NRG3: variants seen among roughly 807,000 people sequenced by gnomAD.
The protein encoded by NRG3 is neuregulin 3.
A neutral mutation model predicts 66.9 loss-of-function variants in NRG3; 31 were observed. The ratio of observed to expected loss-of-function variants is 0.46; its 90% CI spans 0.35 to 0.63. The LOEUF (loss-of-function observed/expected upper bound fraction) is 0.63. NRG3 is among the 20% of genes least tolerant of loss of function. The probability of loss-of-function intolerance (pLI) is 0.00; values close to 1 mark genes in which losing one functional copy is unlikely to be tolerated. For synonymous variants in NRG3, 393 were observed against 359.4 expected (o/e 1.09, Z -1.06); for missense variants, 910 against 878.9 (o/e 1.04, Z -0.45).
intron 2 of NRG3, among the ~76,000 whole-genome samples, chr10:82,465,687 G>C (rs892523873): frequency 6.6e-6 from 1 of 152,124 alleles, no homozygotes; most frequent in Non-Finnish European, 1.5e-5. Context: ...CTTAGGGGGT[G>C]GGGGGCAGCA....
chr10:82,364,696 G>T (rs540094259), intron 2 of NRG3, among the ~76,000 whole-genome samples: 4 of 152,266 alleles, frequency 2.6e-5, no homozygotes, highest in Admixed American at 1.3e-4. Flanking sequence ...CTGCAAAAAT[G>T]GATTTTCAAA....
chr10:82,664,974 A>G (rs150196566), intron 2 of NRG3, among the ~76,000 whole-genome samples: 2 of 151,694 alleles, frequency 1.3e-5, no homozygotes, highest in East Asian at 3.9e-4. Flanking sequence ...TTTCATCAAT[A>G]CTCTACAGCT....
At chr10:82,651,877 A>C (rs1315279806) in intron 2 of NRG3, among the ~76,000 whole-genome samples, 2 of 152,200 alleles carry the variant, frequency 1.3e-5, no homozygotes, top group Non-Finnish European at 2.9e-5. Flanking sequence ...CCCAGTTGAC[A>C]TTTGGACTGC....
At chr10:82,364,506 T>C (rs2084395103) in intron 2 of NRG3, among the ~76,000 whole-genome samples, 1 of 152,104 alleles carries the variant, frequency 6.6e-6, no homozygotes, top group African/African-American at 2.4e-5. Context: ...TCTAGAAATT[T>C]TAAAAATGTT....
chr10:82,637,876 G>A (rs1474647578), intron 2 of NRG3, among the ~76,000 whole-genome samples: 3 of 151,492 alleles, frequency 2.0e-5, no homozygotes, highest in Admixed American at 6.6e-5. Context: ...ATAGCAATGC[G>A]GTAAAGTTAA....
Position 82,485,889 on chromosome 10 carries a change from G to A in NRG3, c.953+127021G>A, listed in dbSNP as rs180927537. 7.1e-3 allele frequency among the ~76,000 whole-genome samples: 1,074 copies of A among 152,052 alleles called. 4 individuals are homozygous for A. The highest frequency in any genetic ancestry group is 0.014 in the South Asian group (66 of 4,804). On this transcript the variant is annotated intron_variant, in intron 2 of 8. Coordinates refer to ENST00000372141, the MANE Select transcript of NRG3 (RefSeq NM_001010848.4). ...TATGGAGCAGGAGAAAATATTAACT[G>A]CTCTATATCTAATAAGGACTCAATA...
intron 2 of NRG3, among the ~76,000 whole-genome samples, chr10:82,720,554 A>C (rs2057233825): frequency 6.6e-6 from 1 of 151,974 alleles, no homozygotes; most frequent in Non-Finnish European, 1.5e-5. Flanking sequence ...TGTGCCCTAG[A>C]ACACCGAGGT....
intron 3 of NRG3, among the ~76,000 whole-genome samples, chr10:82,814,554 C>G (rs778395944): frequency 1.3e-5 from 2 of 152,132 alleles, no homozygotes; most frequent in Non-Finnish European, 2.9e-5. Context: ...TTAGTATTCT[C>G]TCATCCTCCC....
intron 3 of NRG3, among the ~76,000 whole-genome samples, chr10:82,765,086 G>A (rs1170066334): frequency 1.3e-5 from 2 of 152,062 alleles, no homozygotes; most frequent in Non-Finnish European, 2.9e-5. Flanking sequence ...ATATATTTTG[G>A]AAAGGGTTTG....
chr10:82,300,990 G>A (rs867644335), intron 1 of NRG3, among the ~76,000 whole-genome samples: 18 of 151,458 alleles, frequency 1.2e-4, no homozygotes, highest in Middle Eastern at 3.4e-3. Context: ...AGAAGAAGAA[G>A]AAAAAAAGAA....
intron 2 of NRG3, among the ~76,000 whole-genome samples, chr10:82,542,775 A>G (rs2043628814): frequency 6.6e-6 from 1 of 152,224 alleles, no homozygotes; most frequent in African/African-American, 2.4e-5. Flanking sequence ...AGGAAATACT[A>G]TAATATAATC....
At chr10:82,955,449 G>A (rs959559069) in intron 5 of NRG3, among the ~76,000 whole-genome samples, 2 of 151,886 alleles carry the variant, frequency 1.3e-5, no homozygotes, top group African/African-American at 4.9e-5. Context: ...AATTATTCAA[G>A]TTTTTCTCTT....
intron 2 of NRG3, among the ~76,000 whole-genome samples, chr10:82,599,156 T>A (rs2047463852): frequency 6.6e-6 from 1 of 152,128 alleles, no homozygotes; most frequent in Non-Finnish European, 1.5e-5. Context: ...TTTCTGAGAA[T>A]AATTGAGAAC....
At chr10:81,911,689 T>C (rs1447591426) in intron 1 of NRG3, among the ~76,000 whole-genome samples, 1 of 148,860 alleles carries the variant, frequency 6.7e-6, no homozygotes, top group Non-Finnish European at 1.5e-5. Context: ...GTTATTATTG[T>C]TGAAACCATT....
At chr10:82,905,099 A>AG (rs1309594438) in intron 4 of NRG3, among the ~76,000 whole-genome samples, 2 of 152,202 alleles carry the variant, frequency 1.3e-5, no homozygotes, top group African/African-American at 2.4e-5. Context: ...CATTTTAAAA[A>AG]GGAAGTTTGG....
In NRG3 at chr10:82,678,882, T is replaced by A. The variant is rs143035927; in HGVS notation, c.954-59695T>A. Among the ~76,000 whole-genome samples the A allele has an allele frequency of 3.6e-4, 55 of 152,314 alleles. No homozygotes were observed. In the East Asian group the frequency reaches 0.01, roughly 28 times the overall value. On this transcript the variant is annotated intron_variant, in intron 2 of 8. Coordinates refer to ENST00000372141, the MANE Select transcript of NRG3 (RefSeq NM_001010848.4). ...AACAAATCCTGGGATCATGTCTTCCTTGATATTTCTGAGCACCGTGTATAC... is the reference window on the plus strand; with the variant it reads ...AACAAATCCTGGGATCATGTCTTCCATGATATTTCTGAGCACCGTGTATAC...
chr10:82,726,988 C>T (rs1413314511), intron 2 of NRG3, among the ~76,000 whole-genome samples: 1 of 152,060 alleles, frequency 6.6e-6, no homozygotes, highest in African/African-American at 2.4e-5. Flanking sequence ...TTTCCCCTTC[C>T]CTAGATATTT....
intron 2 of NRG3, among the ~76,000 whole-genome samples, chr10:82,661,266 A>T (rs913236792): frequency 1.3e-5 from 2 of 152,158 alleles, no homozygotes; most frequent in Non-Finnish European, 2.9e-5. Context: ...ATGGAGACTG[A>T]ATTCTATTGA....
In NRG3 at chr10:81,875,506, GACT is replaced by G; in HGVS notation, c.167_169del (p.Asp56_Cys57delinsGly). On this transcript the variant is annotated inframe_deletion, in exon 1 of 9. Coordinates refer to ENST00000372141, the MANE Select transcript of NRG3 (RefSeq NM_001010848.4). The surrounding 1 kb of genome is among the most constrained non-coding windows in gnomAD (Gnocchi z 5.3). ...GCCCCCCCGGGAGTTACGCTGTAGC[GACT>G]GCATCGTGTGGAACCGGCAGCAGAC... 6.2e-7 allele frequency: 1 copy of G among 1,606,264 alleles called. No individual in the cohort carries two copies. The highest frequency in any genetic ancestry group is 8.5e-7 in the Non-Finnish European group (1 of 1,176,852).
Sources: gnomAD v4.1 joint callset for allele counts (sites outside exome capture counted in the v4.1 genomes callset) on GRCh38, gnomAD v4.1.1 for gene constraint, Gnocchi (gnomAD v3.1) non-coding constraint, MANE v1.5 for transcripts, NCBI Gene and HGNC (gene_info 2026-07-23, HGNC 2026-07-21) for gene names.